Variants in CHD9 observed in about 807,000 individuals in gnomAD.
CHD9 encodes chromodomain helicase DNA binding protein 9.
In CHD9, 77 loss-of-function variants were observed where a neutral mutation model predicts 316.1. That is an observed-to-expected ratio of 0.24 (90% CI 0.20 to 0.29). The LOEUF is 0.29. Among genes scored for constraint, CHD9 ranks in the 10% least tolerant of loss-of-function variants. The pLI is 1.00. For missense variants in CHD9, 2,763 were observed against 3,438.1 expected, an observed-to-expected ratio of 0.80 and a Z score of 4.91; for synonymous variants, 1,129 against 1,158.3, an observed-to-expected ratio of 0.97 and a Z score of 0.51.
intron 1 of CHD9, among the ~76,000 whole-genome samples, chr16:53,060,437 G>A (rs2032729451): frequency 1.3e-5 from 2 of 152,090 alleles, no homozygotes; most frequent in Non-Finnish European, 2.9e-5. Context: ...AACATAGTGA[G>A]ACCTCATTTC....
intron 1 of CHD9, among the ~76,000 whole-genome samples, chr16:53,073,591 T>C (rs2034281885): frequency 6.6e-6 from 1 of 152,234 alleles, no homozygotes; most frequent in South Asian, 2.1e-4. Flanking sequence ...AATTCCCACC[T>C]GTGGTGGGAG....
At chr16:53,123,938 T>C (rs574969677) in intron 1 of CHD9, among the ~76,000 whole-genome samples, 1 of 152,352 alleles carries the variant, frequency 6.6e-6, no homozygotes, top group African/African-American at 2.4e-5. Context: ...TACTTAATCT[T>C]TTTTTATGGC....
intron 17 of CHD9, among the ~76,000 whole-genome samples, chr16:53,251,590 C>T (rs1041342833): frequency 1.3e-5 from 2 of 152,076 alleles, no homozygotes; most frequent in Admixed American, 1.3e-4. Flanking sequence ...TTAGTGCCCC[C>T]TATATATTTT....
At chr16:53,215,008 G>A (rs2046628217) in intron 3 of CHD9, among the ~76,000 whole-genome samples, 1 of 151,396 alleles carries the variant, frequency 6.6e-6, no homozygotes, top group African/African-American at 2.4e-5. Context: ...CGCCTCCCAG[G>A]TTCATGCCAT....
intron 4 of CHD9, among the ~76,000 whole-genome samples, chr16:53,225,409 A>G (rs1006780284): frequency 1.3e-5 from 2 of 152,238 alleles, no homozygotes; most frequent in African/African-American, 4.8e-5. Flanking sequence ...AATTTAAAAA[A>G]TAAACCTAAG....
chr16:53,240,318 T>C (rs1016677906), intron 12 of CHD9, among the ~76,000 whole-genome samples: 1 of 152,210 alleles, frequency 6.6e-6, no homozygotes, highest in South Asian at 2.1e-4. Flanking sequence ...AACTAATATC[T>C]TGAGACTTAC....
chr16:53,289,480 A>G (rs910212340), intron 27 of CHD9, among the ~76,000 whole-genome samples: 1 of 152,232 alleles, frequency 6.6e-6, no homozygotes, highest in African/African-American at 2.4e-5. Context: ...CTGGAAAAGC[A>G]GATAAGACAC....
At chr16:53,104,767 G>A (rs918901812) in intron 1 of CHD9, among the ~76,000 whole-genome samples, 5 of 149,416 alleles carry the variant, frequency 3.3e-5, no homozygotes, top group Non-Finnish European at 5.9e-5. Flanking sequence ...AGCTGAGATC[G>A]TGCCACTGCA....
chr16:53,106,572 C>T (rs944998994), intron 1 of CHD9, among the ~76,000 whole-genome samples: 2 of 152,096 alleles, frequency 1.3e-5, no homozygotes, highest in Non-Finnish European at 1.5e-5. Flanking sequence ...AGATAAAAAA[C>T]TGAACCCCAT....
In CHD9 at chr16:53,325,166, A is replaced by G; in HGVS notation, c.*271A>G. On this transcript the variant is annotated 3_prime_UTR_variant, in exon 39 of 39. Transcript: ENST00000447540. ...TTTGTTGGGGGTTAATTTTATGAAA[A>G]TTATGCTCAATAAGAGTTGTATATT... is the stretch of plus-strand genomic sequence containing the variant. 1 of 283,500 alleles carries G rather than the reference A, an allele frequency of 3.5e-6. No individual in the cohort carries two copies. The highest frequency in any genetic ancestry group is 6.2e-5 in the East Asian group (1 of 16,124). 17.6% of individuals were successfully genotyped at this position (283,500 alleles called of 1,614,324 possible).
At chr16:53,263,909 A>G (rs182801319) in intron 20 of CHD9, among the ~76,000 whole-genome samples, 2 of 152,150 alleles carry the variant, frequency 1.3e-5, no homozygotes, top group African/African-American at 4.8e-5. Context: ...GCAAAACACT[A>G]TAAAAGTTCG....
At chr16:53,143,115 T>TA (rs2040252477) in intron 1 of CHD9, among the ~76,000 whole-genome samples, 1 of 152,144 alleles carries the variant, frequency 6.6e-6, no homozygotes, top group African/African-American at 2.4e-5. Context: ...CACCTGTTAT[T>TA]AGGCCCCACC....
chr16:53,156,439 A>T lies in CHD9; in HGVS notation c.350A>T (p.Asp117Val). The change falls in exon 2 of 39, where the codon GAT becomes GTT. Residue 117 changes from aspartate (D) to valine (V), a missense_variant. Around this residue, in one of 15 missense-constraint regions of CHD9, gnomAD observed 859 missense variants for 890.4 expected, o/e 0.96. Coordinates refer to ENST00000447540, the MANE Select transcript of CHD9 (RefSeq NM_001308319.2). ...AACCAACCCAATGGTTTGTTTCCAGATGTATCAGATGGCAGTCCAATGTGG... is the reference window on the plus strand; with the variant it reads ...AACCAACCCAATGGTTTGTTTCCAGTTGTATCAGATGGCAGTCCAATGTGG... ...PQNQPNGLFP[D>V]VSDGSPMWGH... is the part of the protein sequence containing the mutation. 1 of 1,613,860 alleles carries T rather than the reference A, an allele frequency of 6.2e-7. No individual in the cohort carries two copies. Among genetic ancestry groups the T allele is most frequent in the East Asian group, 2.2e-5 (1 of 44,894 alleles).
chr16:53,301,768 T>C (rs1039239362), intron 30 of CHD9, among the ~76,000 whole-genome samples: 1 of 62,090 alleles, frequency 1.6e-5, no homozygotes, highest in Non-Finnish European at 3.8e-5. Flanking sequence ...CTTTTTTTTC[T>C]TTTTTTTTTT....
Position 53,143,548 on chromosome 16 carries a change from T to A in CHD9, c.-164-12378T>A, listed in dbSNP as rs868227438. On this transcript the variant is annotated intron_variant, in intron 1 of 38. Coordinates refer to ENST00000447540, the MANE Select transcript of CHD9 (RefSeq NM_001308319.2). Reference sequence around the variant, plus strand: ...AACTACAGGCACCCGCCACCATGCCTGGCTAATTTTTTGTATTTTTAGTAG... The same window carrying A: ...AACTACAGGCACCCGCCACCATGCCAGGCTAATTTTTTGTATTTTTAGTAG... Among the ~76,000 whole-genome samples the A allele has an allele frequency of 1.2e-3, 185 of 151,988 alleles. 1 individual carries two copies. The highest frequency in any genetic ancestry group is 4.2e-3 in the African/African-American group (173 of 41,470).
intron 1 of CHD9, among the ~76,000 whole-genome samples, chr16:53,097,554 C>G (rs1407096093): frequency 6.6e-6 from 1 of 152,128 alleles, no homozygotes; most frequent in East Asian, 1.9e-4. Context: ...CATGAGCCAC[C>G]GTACCTGGTC....
At chr16:53,222,778 G>C in intron 4 of CHD9, 23 bp downstream of exon 4, 2 of 1,073,102 alleles carry the variant, frequency 1.9e-6, no homozygotes, top group Non-Finnish European at 2.8e-6. Flanking sequence ...ATTTTTTCTA[G>C]AAATGAAACA....
chr16:53,165,471 C>T (rs1401614285), intron 2 of CHD9, among the ~76,000 whole-genome samples: 1 of 151,980 alleles, frequency 6.6e-6, no homozygotes, highest in Non-Finnish European at 1.5e-5. Context: ...TCATTTCCCC[C>T]ACCCCAGAAG....
chr16:53,171,709 A>G (rs1298133600), intron 2 of CHD9, among the ~76,000 whole-genome samples: 1 of 152,010 alleles, frequency 6.6e-6, no homozygotes, highest in East Asian at 1.9e-4. Context: ...AAATGTAGCC[A>G]AGTGTGGTGA....
Sources: allele counts gnomAD v4.1 joint callset (sites outside exome capture counted in the v4.1 genomes callset), GRCh38; gene constraint gnomAD v4.1.1; regional missense constraint gnomAD v4.1.1; transcripts MANE v1.5; gene names NCBI Gene and HGNC (gene_info 2026-07-23, HGNC 2026-07-21).